The following ADCY8 variants were observed in gnomAD, a reference collection of about 807,000 sequenced individuals.
ADCY8 encodes the protein adenylate cyclase 8, also known as adenylate cyclase type 8.
A neutral mutation model predicts 119.7 loss-of-function variants in ADCY8; 51 were observed. The ratio of observed to expected loss-of-function variants is 0.43; its 90% CI spans 0.34 to 0.54. The LOEUF (loss-of-function observed/expected upper bound fraction) is 0.54, where lower values mean the gene tolerates loss of function less well. Ranked by LOEUF, ADCY8 falls within the 20% of genes least tolerant of loss-of-function variation. The pLI, the probability that ADCY8 is intolerant of heterozygous loss-of-function variation, is 0.03. For missense variants in ADCY8, 1,383 were observed against 1,598.8 expected, an observed-to-expected ratio of 0.87 and a Z score of 2.30; for synonymous variants, 665 against 651.0, an observed-to-expected ratio of 1.02 and a Z score of -0.33.
At chr8:131,007,690 T>G (rs1335233052) in intron 1 of ADCY8, among the ~76,000 whole-genome samples, 1 of 152,236 alleles carries the variant, frequency 6.6e-6, no homozygotes, top group Non-Finnish European at 1.5e-5. Context: ...TTTCAAACAT[T>G]TACAAATTTC....
intron 9 of ADCY8, among the ~76,000 whole-genome samples, chr8:130,858,900 ATGTGTGTGTGTGTG>A (rs139305903): frequency 0.39 from 58,462 of 148,690 alleles, 11,628 homozygotes; most frequent in African/African-American, 0.48. Flanking sequence ...TATCATGTAT[ATGTGTGTGTGTGTG>A]TGTGTGTGTG....
At position 130,839,859 on chromosome 8, in the gene ADCY8, C is replaced by T. The variant is rs750449650; in HGVS notation, c.2503-3410G>A. Among the ~76,000 whole-genome samples the T allele has an allele frequency of 2.9e-5, 4 of 139,880 alleles. 1 individual carries two copies. The highest frequency in any genetic ancestry group is 4.8e-5 in the Non-Finnish European group (3 of 61,888). 91.8% of individuals were successfully genotyped at this position (139,880 alleles called of 152,430 possible). A position where few individuals can be genotyped will look rare whatever the true frequency, so the allele number is the denominator to read the frequency against. ...TTATTCTGCAGTCCGTAAGGAACCA[C>T]GGATGAGTTTCTTGCTTGTAATGGA... On this transcript the variant is annotated intron_variant, in intron 11 of 17. Transcript: ENST00000286355.
At chr8:130,795,018 G>T (rs1389059484) in intron 15 of ADCY8, among the ~76,000 whole-genome samples, 2 of 152,200 alleles carry the variant, frequency 1.3e-5, no homozygotes, top group Non-Finnish European at 2.9e-5. Flanking sequence ...AAGGTCAGGA[G>T]TTCGAGACCA....
chr8:130,827,002 C>T (rs1044684447), intron 12 of ADCY8, among the ~76,000 whole-genome samples: 4 of 152,068 alleles, frequency 2.6e-5, no homozygotes, highest in African/African-American at 9.7e-5. Context: ...CAACACGGCA[C>T]ATGTATACAT....
Position 131,011,174 on chromosome 8 carries a change from GAA to G in ADCY8, c.961-20634_961-20633del, listed in dbSNP as rs5742177. 7.6e-3 allele frequency among the ~76,000 whole-genome samples: 1,119 copies of G among 146,674 alleles called. 10 individuals carry two copies. Among genetic ancestry groups the G allele is most frequent in the African/African-American group, 0.025 (1,005 of 40,680 alleles). On this transcript the variant is annotated intron_variant, in intron 1 of 17. Transcript: ENST00000286355. The stretch of plus-strand genomic sequence containing the variant: ...GGTGCATATTAAAAGTTTATTGAAT[GAA>G]AAAAAAAAAAAGAATTAATGACCCA...
At chr8:131,033,619 C>T (rs1306477073) in intron 1 of ADCY8, among the ~76,000 whole-genome samples, 3 of 149,574 alleles carry the variant, frequency 2.0e-5, no homozygotes, top group African/African-American at 7.6e-5. Context: ...AATCATTTTA[C>T]AACTCTCTAA....
At chr8:130,991,610 A>C (rs1164230306) in intron 1 of ADCY8, among the ~76,000 whole-genome samples, 1 of 152,250 alleles carries the variant, frequency 6.6e-6, no homozygotes, top group African/African-American at 2.4e-5. Flanking sequence ...AAAAATCACT[A>C]TTTCCAGGGG....
intron 4 of ADCY8, among the ~76,000 whole-genome samples, chr8:130,942,803 T>A (rs918986888): frequency 1.3e-5 from 2 of 152,246 alleles, no homozygotes; most frequent in African/African-American, 2.4e-5. Flanking sequence ...TGATAGCAAA[T>A]GTCCATCTCC....
intron 1 of ADCY8, among the ~76,000 whole-genome samples, chr8:131,025,131 T>C (rs1048177800): frequency 6.6e-6 from 1 of 152,216 alleles, no homozygotes; most frequent in African/African-American, 2.4e-5. Context: ...GTGGGTCTTT[T>C]GATGACCCTT....
intron 7 of ADCY8, among the ~76,000 whole-genome samples, chr8:130,894,900 G>C (rs1489130415): frequency 2.6e-5 from 4 of 152,014 alleles, no homozygotes; most frequent in African/African-American, 4.8e-5. Context: ...AATTTTGCTT[G>C]GAAAGAAAAA....
chr8:130,954,555 GT>G (rs1049210930), intron 2 of ADCY8, among the ~76,000 whole-genome samples: 3 of 152,172 alleles, frequency 2.0e-5, no homozygotes, highest in African/African-American at 7.2e-5. Context: ...AACTCCTTAG[GT>G]TTTTGGGATA....
chr8:130,934,631 C>T (rs937158309), intron 5 of ADCY8, among the ~76,000 whole-genome samples: 35 of 152,316 alleles, frequency 2.3e-4, no homozygotes, highest in African/African-American at 8.2e-4. Flanking sequence ...CAGGGAAAAA[C>T]TCTCAAGTGT....
At position 130,970,934 on chromosome 8, in the gene ADCY8, T is replaced by C. The variant is rs112894723; in HGVS notation, c.1111-18936A>G. Among the ~76,000 whole-genome samples, 1,388 of 152,306 alleles carry C rather than the reference T, an allele frequency of 9.1e-3. 17 individuals are homozygous for C. The highest frequency in any genetic ancestry group is 0.034 in the Middle Eastern group (10 of 294). On this transcript the variant is annotated intron_variant, in intron 2 of 17. Coordinates refer to ENST00000286355, the MANE Select transcript of ADCY8 (RefSeq NM_001115.3). ...ATGGCTTTTAGATCTACTTTTGCTA[T>C]GGTGTGACAGATTGGCTATGAGGGA...
intron 16 of ADCY8, among the ~76,000 whole-genome samples, chr8:130,785,140 A>G (rs760702245): frequency 7.9e-5 from 12 of 152,366 alleles, no homozygotes; most frequent in Admixed American, 3.3e-4. Flanking sequence ...GATTTTGTTC[A>G]AGGGAACAAT....
At chr8:131,034,935 A>G (rs1824104252) in intron 1 of ADCY8, among the ~76,000 whole-genome samples, 1 of 152,192 alleles carries the variant, frequency 6.6e-6, no homozygotes, top group African/African-American at 2.4e-5. Flanking sequence ...AAGATAGCTC[A>G]TATTATTGTC....
At chr8:130,801,339 T>C (rs1425047358) in intron 14 of ADCY8, among the ~76,000 whole-genome samples, 8 of 152,210 alleles carry the variant, frequency 5.3e-5, no homozygotes, top group Non-Finnish European at 1.0e-4. Context: ...GACTTACCTC[T>C]GTTCCAATCC....
At chr8:130,936,500 C>T (rs961019069) in intron 5 of ADCY8, among the ~76,000 whole-genome samples, 6 of 152,170 alleles carry the variant, frequency 3.9e-5, no homozygotes, top group Non-Finnish European at 7.3e-5. Flanking sequence ...CCAGGCTTCA[C>T]AGTAGCCATT....
chr8:130,815,523 T>C (rs1157222323), intron 13 of ADCY8, among the ~76,000 whole-genome samples: 1 of 152,250 alleles, frequency 6.6e-6, no homozygotes, highest in Non-Finnish European at 1.5e-5. Context: ...TATTGTCATT[T>C]CTTATTTTAC....
chr8:130,853,189 C>T (rs145698937), intron 9 of ADCY8, among the ~76,000 whole-genome samples: 3 of 152,318 alleles, frequency 2.0e-5, no homozygotes, highest in East Asian at 1.9e-4. Flanking sequence ...TCCTCCTCTT[C>T]GATCCACTGA....
Sources: allele counts gnomAD v4.1 joint callset (sites outside exome capture counted in the v4.1 genomes callset), GRCh38; gene constraint gnomAD v4.1.1; transcripts MANE v1.5; gene names NCBI Gene and HGNC (gene_info 2026-07-23, HGNC 2026-07-21).